The following CBL variants were observed in gnomAD, a reference collection of about 807,000 sequenced individuals.
CBL encodes E3 ubiquitin-protein ligase CBL.
CBL carries 45 observed loss-of-function variants against 96.9 expected under a neutral mutation model. The observed-to-expected ratio is 0.46, with a 90% CI of 0.37 to 0.60. The LOEUF (loss-of-function observed/expected upper bound fraction) is 0.60. Ranked by LOEUF, CBL falls within the 20% of genes least tolerant of loss-of-function variation. The probability of loss-of-function intolerance (pLI) is 0.00; values close to 1 mark genes in which losing one functional copy is unlikely to be tolerated. For synonymous variants in CBL, 420 were observed against 426.8 expected (o/e 0.98, Z 0.20); for missense variants, 1,024 against 1,143.5 (o/e 0.90, Z 1.51).
At position 119,301,192 on chromosome 11, in the gene CBL, A is replaced by G. The variant is rs1950099287; in HGVS notation, c.*1411A>G. On this transcript the variant is annotated 3_prime_UTR_variant, in exon 16 of 16. Transcript: ENST00000264033. ...ACCTGAGGTCCTAAATACTCTCTGT[A>G]ATTACTGTGTTCTTCACGGTAATTA... is the stretch of plus-strand genomic sequence containing the variant. The G allele has an allele frequency of 3.0e-5, 7 of 233,096 alleles. No homozygotes were observed. The highest frequency in any genetic ancestry group is 5.9e-5 in the Non-Finnish European group (7 of 118,000). 14.4% of individuals were successfully genotyped at this position (233,096 alleles called of 1,614,324 possible).
intron 12 of CBL, among the ~76,000 whole-genome samples, chr11:119,294,551 T>C (rs1950050655): frequency 6.6e-6 from 1 of 151,984 alleles, no homozygotes; most frequent in Admixed American, 6.6e-5. Context: ...TCCCAGCACT[T>C]TGGGAGGCCA....
intron 1 of CBL, among the ~76,000 whole-genome samples, chr11:119,209,495 T>TA (rs1346862805): frequency 6.6e-6 from 1 of 152,144 alleles, no homozygotes; most frequent in African/African-American, 2.4e-5. Context: ...GGCAGACGCC[T>TA]GTAATCCCAG....
At chr11:119,235,654 T>C (rs948750353) in intron 2 of CBL, among the ~76,000 whole-genome samples, 1 of 152,078 alleles carries the variant, frequency 6.6e-6, no homozygotes, top group African/African-American at 2.4e-5. Flanking sequence ...GCACACTTGG[T>C]GTGACTTATA....
chr11:119,278,338 C>A (rs1949906056), intron 8 of CBL, 41 bp downstream of exon 8: 1 of 1,611,962 alleles, frequency 6.2e-7, no homozygotes, highest in Non-Finnish European at 8.5e-7. Context: ...TATGTAATAA[C>A]CTTGGAAAAT....
intron 1 of CBL, among the ~76,000 whole-genome samples, chr11:119,230,676 T>G (rs570563171): frequency 1.1e-4 from 16 of 152,226 alleles, no homozygotes; most frequent in Non-Finnish European, 1.6e-4. Flanking sequence ...TTTTCTCATA[T>G]GGATAACAAA....
chr11:119,305,378 TAG>T lies in CBL; in HGVS notation c.*5602_*5603del, dbSNP rs1427496782. On this transcript the variant is annotated 3_prime_UTR_variant, in exon 16 of 16. Transcript: ENST00000264033. The stretch of plus-strand genomic sequence containing the variant: ...TCTTTTGCCTTCTTCCGTGTTTATT[TAG>T]AGAGCAGAATCTAATAACGGGTTCC... 2.6e-5 allele frequency: 6 copies of T among 231,098 alleles called. No individual in the cohort carries two copies. In the East Asian group the frequency reaches 3.7e-4, roughly 14 times the overall value. 14.3% of individuals were successfully genotyped at this position (231,098 alleles called of 1,614,324 possible).
intron 2 of CBL, among the ~76,000 whole-genome samples, chr11:119,235,456 T>C (rs989548894): frequency 6.6e-6 from 1 of 152,158 alleles, no homozygotes; most frequent in Non-Finnish European, 1.5e-5. Flanking sequence ...ACATTTATTA[T>C]TCAGTAAGTG....
intron 9 of CBL, among the ~76,000 whole-genome samples, chr11:119,282,071 C>T (rs1485760807): frequency 1.3e-5 from 2 of 152,240 alleles, no homozygotes; most frequent in East Asian, 1.9e-4. Flanking sequence ...GGTGCGGTGG[C>T]TCATGCGTGT....
intron 2 of CBL, among the ~76,000 whole-genome samples, chr11:119,260,734 C>G (rs1949747852): frequency 6.6e-6 from 1 of 152,008 alleles, no homozygotes; most frequent in Non-Finnish European, 1.5e-5. Flanking sequence ...TGTTACTTTT[C>G]TATCTCAGGC....
In CBL at chr11:119,300,690, T is replaced by C; in HGVS notation, c.*909T>C. On this transcript the variant is annotated 3_prime_UTR_variant, in exon 16 of 16. Transcript: ENST00000264033. ...ATGACCGATTTGAGATAGAGGCCTT[T>C]AAATACATTCCATGCCCTCCCCAGA... The C allele has an allele frequency of 2.5e-6, 1 of 397,708 alleles. No individual in the cohort carries two copies. The highest frequency in any genetic ancestry group is 4.4e-6 in the Non-Finnish European group (1 of 225,686). The allele number at this position is 397,708 out of a possible 1,614,324, so 24.6% of individuals were successfully genotyped here. A position where few individuals can be genotyped will look rare whatever the true frequency, so the allele number is the denominator to read the frequency against.
Position 119,305,892 on chromosome 11 carries a change from T to C in CBL, c.*6111T>C, listed in dbSNP as rs1361796117. 4.1e-6 allele frequency: 1 copy of C among 246,638 alleles called. No individual in the cohort carries two copies. Among genetic ancestry groups the C allele is most frequent in the African/African-American group, 2.2e-5 (1 of 45,814 alleles). 15.3% of individuals were successfully genotyped at this position (246,638 alleles called of 1,614,324 possible). A position where few individuals can be genotyped will look rare whatever the true frequency, so the allele number is the denominator to read the frequency against. On this transcript the variant is annotated 3_prime_UTR_variant, in exon 16 of 16. Transcript: ENST00000264033. Reference sequence around the variant, plus strand: ...AGTTTTTTAAACTACTAGAGTCATTTGATACACACAGAAGTTACCTAATAA... The same window carrying C: ...AGTTTTTTAAACTACTAGAGTCATTCGATACACACAGAAGTTACCTAATAA...
At chr11:119,217,797 G>A (rs1380160781) in intron 1 of CBL, among the ~76,000 whole-genome samples, 2 of 152,148 alleles carry the variant, frequency 1.3e-5, no homozygotes, top group Non-Finnish European at 2.9e-5. Context: ...TTGGCTGGGT[G>A]TGGTGGCTCA....
chr11:119,288,080 T>A, intron 12 of CBL, 134 bp downstream of exon 12: 2 of 681,166 alleles, frequency 2.9e-6, no homozygotes, highest in Non-Finnish European at 5.2e-6. Context: ...AATGATTATA[T>A]TTTATGTTTT....
chr11:119,241,569 G>A (rs554502177), intron 2 of CBL, among the ~76,000 whole-genome samples: 2 of 152,142 alleles, frequency 1.3e-5, no homozygotes, highest in African/African-American at 2.4e-5. Context: ...ATTATCATCC[G>A]GTGGAACAGT....
rs921553874 is a variant in CBL, at chr11:119,225,169, T to C, written c.196-7279T>C. ...ATGAGTGCAGTGGCGTGATCTCGGC[T>C]CACTGCAACCTCCACCTCCCGGGTT... On this transcript the variant is annotated intron_variant, in intron 1 of 15. Coordinates refer to ENST00000264033, the MANE Select transcript of CBL (RefSeq NM_005188.4). Among the ~76,000 whole-genome samples, 3 of 152,088 alleles carry C rather than the reference T, an allele frequency of 2.0e-5. No homozygotes were observed. The South Asian group carries it at 6.2e-4, about 32-fold the overall frequency.
At chr11:119,221,537 G>T (rs1275893892) in intron 1 of CBL, among the ~76,000 whole-genome samples, 1 of 152,094 alleles carries the variant, frequency 6.6e-6, no homozygotes, top group African/African-American at 2.4e-5. Context: ...GGAGGCCAAG[G>T]TGGATGGATC....
chr11:119,284,923 A>G (rs368504496), intron 9 of CBL, 46 bp from the exon 10 acceptor site: 7 of 1,611,686 alleles, frequency 4.3e-6, no homozygotes, highest in African/African-American at 2.7e-5. Context: ...GAAAGATGCC[A>G]TTTCCCCAAA....
chr11:119,224,424 A>G (rs1337529313), intron 1 of CBL, among the ~76,000 whole-genome samples: 2 of 152,014 alleles, frequency 1.3e-5, no homozygotes, highest in Admixed American at 6.6e-5. Flanking sequence ...TGAAAGTCAC[A>G]CATAACTTTT....
intron 2 of CBL, among the ~76,000 whole-genome samples, chr11:119,243,709 G>A (rs549587615): frequency 4.2e-4 from 64 of 151,976 alleles, no homozygotes; most frequent in African/African-American, 1.5e-3. Flanking sequence ...TTTCTACAAT[G>A]AATATGCAAT....
Sources: gnomAD v4.1 joint callset for allele counts (sites outside exome capture counted in the v4.1 genomes callset) on GRCh38, gnomAD v4.1.1 for gene constraint, MANE v1.5 for transcripts, NCBI Gene and HGNC (gene_info 2026-07-23, HGNC 2026-07-21) for gene names.